CUX1: variants seen among roughly 807,000 people sequenced by gnomAD.
The protein encoded by CUX1 is cut like homeobox 1.
A neutral mutation model predicts 158.8 loss-of-function variants in CUX1; 31 were observed. That is an observed-to-expected ratio of 0.20 (90% CI 0.15 to 0.26). CUX1 has a LOEUF of 0.26. Among genes scored for constraint, CUX1 ranks in the 10% least tolerant of loss-of-function variants. The pLI is 1.00. For missense variants in CUX1, 1,589 were observed against 2,014.6 expected (o/e 0.79, Z 4.04); for synonymous variants, 879 against 862.1 (o/e 1.02, Z -0.34).
At chr7:102,268,155 T>C (rs1217668718) in intron 14 of CUX1, among the ~76,000 whole-genome samples, 1 of 152,116 alleles carries the variant, frequency 6.6e-6, no homozygotes, top group African/African-American at 2.4e-5. Context: ...TATGCTCACT[T>C]ATCCACCCGT....
intron 2 of CUX1, among the ~76,000 whole-genome samples, chr7:101,943,690 A>T (rs912347704): frequency 2.1e-5 from 3 of 145,080 alleles, no homozygotes; most frequent in African/African-American, 5.0e-5. Flanking sequence ...TTTAAAATTT[A>T]AAAAAAAAAA....
chr7:101,870,024 G>A (rs567498950), intron 1 of CUX1, among the ~76,000 whole-genome samples: 42 of 151,128 alleles, frequency 2.8e-4, no homozygotes, highest in Middle Eastern at 6.9e-3. Flanking sequence ...TCCTGAGACC[G>A]CCTCCCTGTG....
intron 1 of CUX1, among the ~76,000 whole-genome samples, chr7:101,873,676 C>T (rs908253770): frequency 2.0e-5 from 3 of 152,112 alleles, no homozygotes; most frequent in Admixed American, 6.6e-5. Flanking sequence ...CTCCACTTCC[C>T]GAGTTCAAGC....
chr7:102,112,458 G>A (rs1412104690), intron 7 of CUX1, among the ~76,000 whole-genome samples: 2 of 152,100 alleles, frequency 1.3e-5, no homozygotes, highest in African/African-American at 4.8e-5. Context: ...AGCCAGGATG[G>A]TCTCGATCTC....
intron 21 of CUX1, among the ~76,000 whole-genome samples, chr7:102,282,309 G>T (rs782563953): frequency 6.6e-6 from 1 of 152,170 alleles, no homozygotes; most frequent in Non-Finnish European, 1.5e-5. Context: ...CTGTGGAGGT[G>T]GCGTTCTAGT....
intron 3 of CUX1, among the ~76,000 whole-genome samples, chr7:102,033,757 T>C (rs944088588): frequency 4.7e-4 from 71 of 152,238 alleles, no homozygotes; most frequent in African/African-American, 1.7e-3. Flanking sequence ...CTTCAGAAAA[T>C]AGAAAGAGCG....
At chr7:102,227,750 A>G in intron 21 of CUX1, 81 bp downstream of exon 21, 1 of 1,424,156 alleles carries the variant, frequency 7.0e-7, no homozygotes, top group Non-Finnish European at 9.6e-7. Context: ...GCCCTAGGCC[A>G]AGCCAACCAC....
intron 20 of CUX1, among the ~76,000 whole-genome samples, chr7:102,213,457 G>A (rs782402112): frequency 2.0e-5 from 3 of 152,192 alleles, no homozygotes; most frequent in African/African-American, 4.8e-5. Context: ...CACAGCCGGC[G>A]AGGCTGAGGG....
At position 102,172,385 on chromosome 7, in the gene CUX1, C is replaced by T. The variant is rs537819800; in HGVS notation, c.828+1835C>T. The stretch of plus-strand genomic sequence containing the variant: ...GCATGAGCCACTGCGGGATCTCACT[C>T]GGTCACCCAGGCTGGAATGCAGTGG... On this transcript the variant is annotated intron_variant, in intron 10 of 23. Transcript: ENST00000292535. Among the ~76,000 whole-genome samples the T allele has an allele frequency of 6.6e-5, 10 of 151,676 alleles. 1 individual carries two copies. In the South Asian group the frequency reaches 1.2e-3, roughly 19 times the overall value.
intron 2 of CUX1, among the ~76,000 whole-genome samples, chr7:101,981,592 T>C (rs958464858): frequency 6.6e-6 from 1 of 152,116 alleles, no homozygotes; most frequent in African/African-American, 2.4e-5. Flanking sequence ...TGAATGCAAA[T>C]GTCAGAGGCT....
chr7:101,993,084 C>T (rs1815361735), intron 2 of CUX1, among the ~76,000 whole-genome samples: 1 of 152,276 alleles, frequency 6.6e-6, no homozygotes, highest in East Asian at 1.9e-4. Context: ...AATCCCAGCA[C>T]TTTGAGAGGC....
intron 2 of CUX1, among the ~76,000 whole-genome samples, chr7:101,944,599 C>T (rs772848665): frequency 2.6e-5 from 4 of 152,234 alleles, no homozygotes; most frequent in Admixed American, 6.5e-5. Flanking sequence ...GTGCATTTCT[C>T]AAATCAAACC....
chr7:102,132,680 CTTTTTT>C lies in CUX1; in HGVS notation c.674+17421_674+17426del, dbSNP rs1174779466. On this transcript the variant is annotated intron_variant, in intron 8 of 23. Coordinates refer to ENST00000292535, the MANE Select transcript of CUX1 (RefSeq NM_181552.4). ...TTTTAATTTGTTTTTCTTTGCTTTT[CTTTTTT>C]TTTTTTTTTTTTTGAGACAGGGTCT... Among the ~76,000 whole-genome samples the C allele has an allele frequency of 5.2e-5, 6 of 115,180 alleles. No individual in the cohort carries two copies. The East Asian group carries it at 1.4e-3, about 26-fold the overall frequency. The allele number at this position is 115,180 out of a possible 152,430, so 75.6% of individuals were successfully genotyped here. A position where few individuals can be genotyped will look rare whatever the true frequency, so the allele number is the denominator to read the frequency against.
intron 1 of CUX1, among the ~76,000 whole-genome samples, chr7:101,844,449 TTTTTC>T (rs1476013342): frequency 5.6e-4 from 85 of 152,284 alleles, no homozygotes; most frequent in African/African-American, 1.9e-3. Flanking sequence ...GTCAAAATTC[TTTTTC>T]TTCAACACCC....
intron 17 of CUX1, 84 bp downstream of exon 17, chr7:102,200,256 A>ATTT: frequency 1.1e-5 from 10 of 919,568 alleles, no homozygotes; most frequent in Non-Finnish European, 1.4e-5. Context: ...GTAATTAACT[A>ATTT]TTTTTTTTTT....
Position 102,113,635 on chromosome 7 carries a change from G to T in CUX1, c.608-1572G>T, listed in dbSNP as rs376688616. Among the ~76,000 whole-genome samples the T allele has an allele frequency of 3.3e-5, 5 of 152,118 alleles. No individual in the cohort carries two copies. In the South Asian group the frequency reaches 1.0e-3, roughly 32 times the overall value. On this transcript the variant is annotated intron_variant, in intron 7 of 23. Coordinates refer to ENST00000292535, the MANE Select transcript of CUX1 (RefSeq NM_181552.4). Reference sequence around the variant, plus strand: ...AGCAGTGATACAATCATAGCTCATTGCAGCCTCAAACTCCTGGGCTGAAGT... The same window carrying T: ...AGCAGTGATACAATCATAGCTCATTTCAGCCTCAAACTCCTGGGCTGAAGT...
Position 102,213,775 on chromosome 7 carries a change from C to T in CUX1, c.3130+8605C>T, listed in dbSNP as rs372004688. Among the ~76,000 whole-genome samples the T allele has an allele frequency of 1.4e-4, 21 of 152,258 alleles. No homozygotes were observed. The East Asian group carries it at 3.9e-3, about 28-fold the overall frequency. On this transcript the variant is annotated intron_variant, in intron 20 of 23. Coordinates refer to ENST00000292535, the MANE Select transcript of CUX1 (RefSeq NM_181552.4). The stretch of plus-strand genomic sequence containing the variant: ...TGCAGAAAGGGGGGTGGGAATAAAA[C>T]AAGGGAGTCCACATGCTGGTGTGGT...
intron 7 of CUX1, 75 bp downstream of exon 7, chr7:102,111,849 C>T: frequency 7.5e-7 from 1 of 1,339,668 alleles, no homozygotes; most frequent in South Asian, 1.2e-5. Context: ...CCCTGACCGC[C>T]CCGGTCCCCG....
At position 102,081,927 on chromosome 7, in the gene CUX1, A is replaced by G. The variant is rs1284335000; in HGVS notation, c.268+11510A>G. On this transcript the variant is annotated intron_variant, in intron 4 of 23. Transcript: ENST00000292535. ...AGGCATGAGCCACCATGCCTGGCCC[A>G]GGTATTTCTTTATAGCAGTGTGAAA... Among the ~76,000 whole-genome samples, 8 of 146,790 alleles carry G rather than the reference A, an allele frequency of 5.4e-5. No individual in the cohort carries two copies. In the East Asian group the frequency reaches 1.6e-3, roughly 29 times the overall value.
Sources: gnomAD v4.1 joint callset for allele counts (sites outside exome capture counted in the v4.1 genomes callset) on GRCh38, gnomAD v4.1.1 for gene constraint, MANE v1.5 for transcripts, NCBI Gene and HGNC (gene_info 2026-07-23, HGNC 2026-07-21) for gene names.